ADAMTS16: variants seen among roughly 807,000 people sequenced by gnomAD.
ADAMTS16 encodes the protein ADAM metallopeptidase with thrombospondin type 1 motif 16, also known as A disintegrin and metalloproteinase with thrombospondin motifs 16.
Under a neutral mutation model 145.8 loss-of-function variants are expected in ADAMTS16, and 94 were observed. The observed-to-expected ratio is 0.64, with a 90% CI of 0.55 to 0.77. ADAMTS16 has a LOEUF of 0.77. ADAMTS16 is among the 30% of genes least tolerant of loss of function. ADAMTS16 has a pLI of 0.00. For synonymous variants in ADAMTS16, 659 were observed against 604.3 expected (o/e 1.09, Z -1.33); for missense variants, 1,585 against 1,591.5 (o/e 1.00, Z 0.07).
rs925018753 is a variant in ADAMTS16 at position 5,306,484 on chromosome 5, T to C, written c.3187-20T>C. 1.3e-6 allele frequency: 2 copies of C among 1,592,496 alleles called. No homozygotes were observed. Among genetic ancestry groups the C allele is most frequent in the Admixed American group, 1.7e-5 (1 of 57,900 alleles). On this transcript the variant is annotated intron_variant, in intron 20 of 22. Transcript: ENST00000274181. ...AAAAGAGATTTTTTTCACTGACTTC[T>C]TTTGTTCTCTTCTTTTTAGTGCTCT...
At chr5:5,313,423 C>T (rs112562863) in intron 21 of ADAMTS16, among the ~76,000 whole-genome samples, 3 of 152,216 alleles carry the variant, frequency 2.0e-5, no homozygotes, top group Non-Finnish European at 2.9e-5. Context: ...TGCAGGGCAG[C>T]GCAGGACTGA....
At chr5:5,305,041 C>T (rs1342174734) in intron 20 of ADAMTS16, among the ~76,000 whole-genome samples, 1 of 71,248 alleles carries the variant, frequency 1.4e-5, no homozygotes, top group Non-Finnish European at 2.9e-5. Context: ...ATCCATCCCA[C>T]ACCACACACA....
In ADAMTS16 at chr5:5,182,163, A is replaced by G; in HGVS notation, c.621A>G (p.Arg207=). Residue 207 remains arginine, a synonymous_variant, in exon 4 of 23, where the codon AGA becomes AGG. Coordinates refer to ENST00000274181, the MANE Select transcript of ADAMTS16 (RefSeq NM_139056.4). ...GSSPSHVLYK[R]STEPHAPGAS... is the part of the protein sequence containing the mutation. ...CGCCATCCCACGTACTGTACAAGAGATCCACAGAGCCCCATGCTCCTGGGG... is the reference window on the plus strand; with the variant it reads ...CGCCATCCCACGTACTGTACAAGAGGTCCACAGAGCCCCATGCTCCTGGGG... 6.2e-7 allele frequency: 1 copy of G among 1,614,112 alleles called. No homozygotes were observed. Among genetic ancestry groups the G allele is most frequent in the Non-Finnish European group, 8.5e-7 (1 of 1,180,016 alleles).
chr5:5,189,200 G>T (rs1735590127), intron 6 of ADAMTS16, among the ~76,000 whole-genome samples: 1 of 152,194 alleles, frequency 6.6e-6, no homozygotes, highest in African/African-American at 2.4e-5. Context: ...ACCTGGTGTT[G>T]TCCCACCAGC....
intron 21 of ADAMTS16, 37 bp from the exon 22 acceptor site, chr5:5,318,097 C>A: frequency 7.5e-7 from 1 of 1,340,694 alleles, no homozygotes; most frequent in Non-Finnish European, 9.7e-7. Flanking sequence ...GCCTGAGAGC[C>A]TGGGGCCATG....
At chr5:5,209,502 G>A (rs560784050) in intron 10 of ADAMTS16, among the ~76,000 whole-genome samples, 23 of 152,156 alleles carry the variant, frequency 1.5e-4, no homozygotes, top group South Asian at 8.3e-4. Context: ...CTGATTTATC[G>A]TGTGGGAGCT....
chr5:5,249,338 C>T (rs185205437), intron 17 of ADAMTS16, among the ~76,000 whole-genome samples: 6 of 152,062 alleles, frequency 3.9e-5, no homozygotes, highest in Admixed American at 6.6e-5. Flanking sequence ...ACATGTGAGG[C>T]GGACATGTAA....
At chr5:5,169,149 C>T (rs1442577007) in intron 3 of ADAMTS16, among the ~76,000 whole-genome samples, 1 of 152,046 alleles carries the variant, frequency 6.6e-6, no homozygotes, top group Non-Finnish European at 1.5e-5. Flanking sequence ...ACAGCAAAGA[C>T]CAATAAACTA....
rs780441581 is a variant in ADAMTS16, at chr5:5,189,982, G to T, written c.1059G>T (p.Val353=). 1.2e-5 allele frequency: 19 copies of T among 1,610,762 alleles called. No homozygotes were observed. The highest frequency in any genetic ancestry group is 1.5e-5 in the Non-Finnish European group (18 of 1,178,904). ...TGTCTCTTGCACAGCCAGGACTGGT[G>T]ATAAGTCACCACGCAGACCACACCT... ...ILLEDEQPGL[V]ISHHADHTLS... is the part of the protein sequence containing the mutation. Residue 353 remains valine, a synonymous_variant, in exon 7 of 23, where the codon GTG becomes GTT. Coordinates refer to ENST00000274181, the MANE Select transcript of ADAMTS16 (RefSeq NM_139056.4).
At chr5:5,157,559 A>T (rs1297142328) in intron 3 of ADAMTS16, among the ~76,000 whole-genome samples, 1 of 152,178 alleles carries the variant, frequency 6.6e-6, no homozygotes, top group Non-Finnish European at 1.5e-5. Context: ...TCTGTCACTG[A>T]ATAGGTATTT....
At chr5:5,309,422 C>G (rs918048805) in intron 21 of ADAMTS16, among the ~76,000 whole-genome samples, 7 of 152,124 alleles carry the variant, frequency 4.6e-5, no homozygotes, top group African/African-American at 1.7e-4. Context: ...GGCTCACTGT[C>G]TTTGATATAC....
At chr5:5,198,141 G>T (rs1208288096) in intron 8 of ADAMTS16, among the ~76,000 whole-genome samples, 5 of 152,130 alleles carry the variant, frequency 3.3e-5, no homozygotes, top group Non-Finnish European at 7.3e-5. Context: ...GTTTATCGAG[G>T]GCAATTTCTG....
At chr5:5,192,541 A>C (rs976104776) in intron 8 of ADAMTS16, among the ~76,000 whole-genome samples, 29 of 152,320 alleles carry the variant, frequency 1.9e-4, no homozygotes, top group African/African-American at 6.5e-4. Context: ...ACAAGAGATC[A>C]GGCAGGCCTC....
At chr5:5,307,601 G>A (rs1406066573) in intron 21 of ADAMTS16, among the ~76,000 whole-genome samples, 2 of 152,156 alleles carry the variant, frequency 1.3e-5, no homozygotes. Context: ...ACAGTGGAAT[G>A]GACAGGAATA....
At chr5:5,221,191 G>T (rs1377683822) in intron 10 of ADAMTS16, among the ~76,000 whole-genome samples, 2 of 152,184 alleles carry the variant, frequency 1.3e-5, no homozygotes, top group African/African-American at 2.4e-5. Context: ...CTGGCCAGTT[G>T]TCTGTTTGGA....
chr5:5,261,629 G>A lies in ADAMTS16; in HGVS notation c.2663-1028G>A, dbSNP rs147460584. Among the ~76,000 whole-genome samples the A allele has an allele frequency of 8.3e-3, 1,255 of 152,100 alleles. 17 individuals carry two copies. The highest frequency in any genetic ancestry group is 0.029 in the African/African-American group (1,187 of 41,486). On this transcript the variant is annotated intron_variant, in intron 17 of 22. Coordinates refer to ENST00000274181, the MANE Select transcript of ADAMTS16 (RefSeq NM_139056.4). ...AGCCTCCTGATAGCTGGGAATACAG[G>A]CACGTGCCACCACGCCCAGCTAATT...
rs543636998 is a variant in ADAMTS16, at chr5:5,312,057, C to T, written c.3411+5329C>T. Among the ~76,000 whole-genome samples the T allele has an allele frequency of 2.0e-5, 3 of 152,226 alleles. 1 individual carries two copies. Among genetic ancestry groups the T allele is most frequent in the African/African-American group, 7.2e-5 (3 of 41,536 alleles). On this transcript the variant is annotated intron_variant, in intron 21 of 22. Transcript: ENST00000274181. Reference sequence around the variant, plus strand: ...TAAAAACCGTAGTGTCCGAGCCTGTCTGCTGCTGTATTTCTTTATTTCTCC... The same window carrying T: ...TAAAAACCGTAGTGTCCGAGCCTGTTTGCTGCTGTATTTCTTTATTTCTCC...
chr5:5,141,181 G>A (rs270202), intron 2 of ADAMTS16, among the ~76,000 whole-genome samples: 109,852 of 152,072 alleles, frequency 0.72, 39,910 homozygotes, highest in Admixed American at 0.81. Flanking sequence ...CTCCTTTATA[G>A]ATTAAAATAT....
At chr5:5,274,557 T>C (rs1164064721) in intron 18 of ADAMTS16, among the ~76,000 whole-genome samples, 1 of 152,154 alleles carries the variant, frequency 6.6e-6, no homozygotes, top group East Asian at 1.9e-4. Context: ...TTGGATAACA[T>C]TTTATTGTCT....
Sources: gnomAD v4.1 joint callset for allele counts (sites outside exome capture counted in the v4.1 genomes callset) on GRCh38, gnomAD v4.1.1 for gene constraint, MANE v1.5 for transcripts, NCBI Gene and HGNC (gene_info 2026-07-23, HGNC 2026-07-21) for gene names.